Variants in NRG1 observed in about 807,000 individuals in gnomAD.
NRG1 encodes neuregulin 1, also known as pro-neuregulin-1, membrane-bound isoform.
Under a neutral mutation model 63.8 loss-of-function variants are expected in NRG1, and 18 were observed. That is an observed-to-expected ratio of 0.28 (90% CI 0.19 to 0.42). The LOEUF (loss-of-function observed/expected upper bound fraction) is 0.42, where lower values mean the gene tolerates loss of function less well. Among genes scored for constraint, NRG1 ranks in the 10% least tolerant of loss-of-function variants. The pLI, the probability that NRG1 is intolerant of heterozygous loss-of-function variation, is 1.00. For missense variants in NRG1, 762 were observed against 814.7 expected, an observed-to-expected ratio of 0.94 and a Z score of 0.79; for synonymous variants, 302 against 301.3, an observed-to-expected ratio of 1.00 and a Z score of -0.02.
chr8:32,630,729 G>GTTT (rs397891668), intron 5 of NRG1, among the ~76,000 whole-genome samples: 1 of 135,520 alleles, frequency 7.4e-6, no homozygotes, highest in Non-Finnish European at 1.6e-5. Flanking sequence ...CAGATTTTAG[G>GTTT]TTTTTTTTTT....
Position 32,604,765 on chromosome 8 carries a change from C to T in NRG1, c.279-797C>T, listed in dbSNP as rs377140957. Among the ~76,000 whole-genome samples, 4 of 152,216 alleles carry T rather than the reference C, an allele frequency of 2.6e-5. No homozygotes were observed. In the South Asian group the frequency reaches 8.3e-4, roughly 32 times the overall value. ...AATTCTTTAGAAAGAATTCAGTAAA[C>T]TCTGAGCCAATCCCTGCTGTTCTGA... On this transcript the variant is annotated intron_variant, in intron 2 of 11. Transcript: ENST00000356819.
intron 1 of NRG1, among the ~76,000 whole-genome samples, chr8:32,011,040 G>A (rs1814670427): frequency 6.6e-6 from 1 of 151,862 alleles, no homozygotes; most frequent in African/African-American, 2.4e-5. Flanking sequence ...ATCATTGGTG[G>A]GCCAAACCAT....
intron 1 of NRG1, among the ~76,000 whole-genome samples, chr8:32,577,576 C>T (rs199547992): frequency 2.6e-5 from 4 of 152,192 alleles, no homozygotes; most frequent in Middle Eastern, 3.4e-3. Context: ...TCAAAACTTA[C>T]GAAACTATAA....
At chr8:32,230,781 A>ACG in intron 1 of NRG1, among the ~76,000 whole-genome samples, 1 of 65,848 alleles carries the variant, frequency 1.5e-5, no homozygotes, top group African/African-American at 6.7e-5. Flanking sequence ...CATGGGGTAC[A>ACG]TGTGAAATTT....
chr8:32,159,540 CAAAAAAAA>C (rs10684266), intron 1 of NRG1, among the ~76,000 whole-genome samples: 53 of 73,722 alleles, frequency 7.2e-4, no homozygotes, highest in African/African-American at 1.8e-3. Context: ...GACTCCGTCT[CAAAAAAAA>C]AAAAAAAAAA....
chr8:32,650,707 A>G (rs1434134818), intron 5 of NRG1, among the ~76,000 whole-genome samples: 1 of 150,640 alleles, frequency 6.6e-6, no homozygotes, highest in Admixed American at 6.6e-5. Flanking sequence ...GTATTTTTCA[A>G]CTAAGAAAGT....
intron 5 of NRG1, chr8:32,721,665 A>G (rs945289384): frequency 7.7e-6 from 2 of 260,788 alleles, no homozygotes; most frequent in Admixed American, 5.4e-5. Context: ...TTTCAAGTAC[A>G]TATTTGCTAT....
intron 5 of NRG1, among the ~76,000 whole-genome samples, chr8:32,707,583 A>G (rs1816746289): frequency 6.6e-6 from 1 of 152,094 alleles, no homozygotes; most frequent in Non-Finnish European, 1.5e-5. Flanking sequence ...TTCTGTATTC[A>G]ATGTTACAAT....
At chr8:31,686,832 A>G (rs2131097087) in intron 1 of NRG1, among the ~76,000 whole-genome samples, 1 of 151,956 alleles carries the variant, frequency 6.6e-6, no homozygotes, top group Non-Finnish European at 1.5e-5. Flanking sequence ...GTAGTGGTGC[A>G]ATTTCTGCTC....
intron 5 of NRG1, among the ~76,000 whole-genome samples, chr8:32,650,936 T>C (rs1180477930): frequency 6.6e-6 from 1 of 152,168 alleles, no homozygotes; most frequent in African/African-American, 2.4e-5. Context: ...TCATAGACTG[T>C]TGAAGGCTAA....
At chr8:31,739,612 C>T (rs1262201930) in intron 1 of NRG1, among the ~76,000 whole-genome samples, 3 of 151,942 alleles carry the variant, frequency 2.0e-5, no homozygotes, top group Non-Finnish European at 4.4e-5. Context: ...ACAAGGAAGG[C>T]ATTTTATGAT....
At chr8:32,284,872 C>T (rs1853340813) in intron 1 of NRG1, among the ~76,000 whole-genome samples, 1 of 152,074 alleles carries the variant, frequency 6.6e-6, no homozygotes. Flanking sequence ...TTTAACAATG[C>T]CCAGAGCATA....
Position 31,639,555 on chromosome 8 carries a change from C to G in NRG1, c.37+124C>G, listed in dbSNP as rs561404979. 37 of 1,445,036 alleles carry G rather than the reference C, an allele frequency of 2.6e-5. No homozygotes were observed. The South Asian group carries it at 4.4e-4, about 17-fold the overall frequency. 89.5% of individuals were successfully genotyped at this position (1,445,036 alleles called of 1,614,324 possible). A position where few individuals can be genotyped will look rare whatever the true frequency, so the allele number is the denominator to read the frequency against. ...CTCTCCCAGCCGCTTGCTCGCAGCCCCAGCAGCCGCCGCAGCATCACTTCA... is the reference window on the plus strand; with the variant it reads ...CTCTCCCAGCCGCTTGCTCGCAGCCGCAGCAGCCGCCGCAGCATCACTTCA... On this transcript the variant is annotated intron_variant, in intron 1 of 10. Transcript: ENST00000519301.
intron 1 of NRG1, among the ~76,000 whole-genome samples, chr8:32,036,192 C>CT (rs1171722718): frequency 1.3e-5 from 2 of 152,116 alleles, no homozygotes; most frequent in Non-Finnish European, 2.9e-5. Context: ...ACTTATGAAG[C>CT]TTAGTTTGAC....
intron 1 of NRG1, among the ~76,000 whole-genome samples, chr8:31,978,773 C>A (rs1399469939): frequency 6.6e-6 from 1 of 152,072 alleles, no homozygotes; most frequent in African/African-American, 2.4e-5. Flanking sequence ...ATCCATATAT[C>A]CCATGTATGT....
chr8:32,608,813 A>G (rs1424404664), intron 3 of NRG1, among the ~76,000 whole-genome samples: 1 of 152,060 alleles, frequency 6.6e-6, no homozygotes, highest in Non-Finnish European at 1.5e-5. Flanking sequence ...TATAATTCCA[A>G]ACTTTGACCT....
chr8:31,989,852 C>T (rs1810757786), intron 1 of NRG1, among the ~76,000 whole-genome samples: 1 of 152,028 alleles, frequency 6.6e-6, no homozygotes, highest in African/African-American at 2.4e-5. Context: ...ATTTCTCTTG[C>T]TTGTTGATAT....
At chr8:32,523,182 T>A (rs1376723349) in intron 1 of NRG1, among the ~76,000 whole-genome samples, 3 of 152,102 alleles carry the variant, frequency 2.0e-5, no homozygotes, top group Non-Finnish European at 4.4e-5. Context: ...AGATCTTGAG[T>A]CTCCTTAGGA....
intron 11 of NRG1, among the ~76,000 whole-genome samples, chr8:32,762,212 G>A (rs1366879638): frequency 6.6e-6 from 1 of 151,998 alleles, no homozygotes; most frequent in Non-Finnish European, 1.5e-5. Flanking sequence ...TAAAACTTTA[G>A]TCTTAAATTC....
Sources: gnomAD v4.1 joint callset for allele counts (sites outside exome capture counted in the v4.1 genomes callset) on GRCh38, gnomAD v4.1.1 for gene constraint, MANE v1.5 for transcripts, NCBI Gene and HGNC (gene_info 2026-07-23, HGNC 2026-07-21) for gene names.